Variants in ANKRD36B observed in about 807,000 individuals in gnomAD.
ANKRD36B encodes ankyrin repeat domain-containing protein 36B.
A neutral mutation model predicts 135.7 loss-of-function variants in ANKRD36B; 37 were observed. The ratio of observed to expected loss-of-function variants is 0.27; its 90% CI spans 0.21 to 0.36. The LOEUF (loss-of-function observed/expected upper bound fraction) is 0.36, where lower values mean the gene tolerates loss of function less well. Ranked by LOEUF, ANKRD36B falls within the 10% of genes least tolerant of loss-of-function variation. The pLI, the probability that ANKRD36B is intolerant of heterozygous loss-of-function variation, is 1.00. For missense variants in ANKRD36B, 549 were observed against 1,037.1 expected, an observed-to-expected ratio of 0.53 and a Z score of 6.46; for synonymous variants, 179 against 348.1, an observed-to-expected ratio of 0.51 and a Z score of 5.41.
chr2:97,566,320 C>G (rs942033754), intron 6 of ANKRD36B, among the ~76,000 whole-genome samples: 1 of 150,756 alleles, frequency 6.6e-6, no homozygotes, highest in Non-Finnish European at 1.5e-5. Context: ...GACTTCATCT[C>G]AAAAGAAAAA....
At chr2:97,525,510 G>GGTACCA (rs1275834851) in intron 35 of ANKRD36B, among the ~76,000 whole-genome samples, 1 of 96,218 alleles carries the variant, frequency 1.0e-5, no homozygotes, top group African/African-American at 3.1e-5. Flanking sequence ...TTCCATCTGA[G>GGTACCA]GTACCAGGTT....
chr2:97,554,679 A>G (rs916810356), intron 14 of ANKRD36B, among the ~76,000 whole-genome samples: 2 of 151,986 alleles, frequency 1.3e-5, no homozygotes, highest in Non-Finnish European at 2.9e-5. Flanking sequence ...TATTACGATC[A>G]GTTTTCCGTC....
rs189645646 is a variant in ANKRD36B at position 97,572,480 on chromosome 2, T to A, written c.763+3899A>T. On this transcript the variant is annotated intron_variant, in intron 6 of 43. Coordinates refer to ENST00000359901, the MANE Select transcript of ANKRD36B (RefSeq NM_001393939.1). ...ATTTAAAAAAATTTAAAAGACACCTTAAGTGTCTTAACTTAATTTGAAAAT... is the reference window on the plus strand; with the variant it reads ...ATTTAAAAAAATTTAAAAGACACCTAAAGTGTCTTAACTTAATTTGAAAAT... Among the ~76,000 whole-genome samples the A allele has an allele frequency of 5.9e-3, 652 of 111,196 alleles. 48 individuals are homozygous for A. Among genetic ancestry groups the A allele is most frequent in the African/African-American group, 0.018 (624 of 34,812 alleles). The allele number at this position is 111,196 out of a possible 152,430, so 72.9% of individuals were successfully genotyped here. A position where few individuals can be genotyped will look rare whatever the true frequency, so the allele number is the denominator to read the frequency against.
chr2:97,579,235 G>A (rs1340703086), intron 4 of ANKRD36B, among the ~76,000 whole-genome samples, 192 bp from the exon 5 acceptor site: 2 of 148,312 alleles, frequency 1.3e-5, no homozygotes, highest in Non-Finnish European at 3.0e-5. Flanking sequence ...GGAACAAAAA[G>A]GAAGCCTCTT....
chr2:97,560,211 T>C (rs983637455), intron 8 of ANKRD36B, among the ~76,000 whole-genome samples: 4 of 151,892 alleles, frequency 2.6e-5, no homozygotes, highest in African/African-American at 9.7e-5. Context: ...CCCTCTTCCT[T>C]GAGGAAAATA....
At chr2:97,586,768 A>C (rs2083030501) in intron 1 of ANKRD36B, among the ~76,000 whole-genome samples, 1 of 152,236 alleles carries the variant, frequency 6.6e-6, no homozygotes, top group Non-Finnish European at 1.5e-5. Flanking sequence ...CTATAATAAA[A>C]ACTTATGTAT....
chr2:97,587,253 CT>C (rs2104390468), intron 1 of ANKRD36B, among the ~76,000 whole-genome samples: 1 of 152,188 alleles, frequency 6.6e-6, no homozygotes, highest in East Asian at 1.9e-4. Context: ...TATATTTCTT[CT>C]TTTCCCAAGG....
At chr2:97,552,294 T>C (rs1299725501) in intron 16 of ANKRD36B, among the ~76,000 whole-genome samples, 1 of 150,994 alleles carries the variant, frequency 6.6e-6, no homozygotes, top group Non-Finnish European at 1.5e-5. Flanking sequence ...ATTTTAGGAG[T>C]TAGTTAGAAT....
intron 3 of ANKRD36B, 22 bp from the exon 4 acceptor site, chr2:97,580,590 T>A (rs1166215322): frequency 5.9e-6 from 9 of 1,531,326 alleles, no homozygotes; most frequent in Non-Finnish European, 7.9e-6. Flanking sequence ...CAGCAACAAT[T>A]TATAATCACA....
intron 18 of ANKRD36B, among the ~76,000 whole-genome samples, chr2:97,549,876 A>C (rs1267383595): frequency 3.9e-5 from 6 of 151,990 alleles, no homozygotes; most frequent in Admixed American, 3.9e-4. Context: ...CCGTGTCAAT[A>C]TCAATGTGCA....
intron 19 of ANKRD36B, 47 bp downstream of exon 19, chr2:97,549,539 T>G: frequency 6.2e-7 from 1 of 1,607,970 alleles, no homozygotes; most frequent in Non-Finnish European, 8.5e-7. Context: ...GTATGTTTCA[T>G]AGACCATACA....
At position 97,528,646 on chromosome 2, in the gene ANKRD36B, T is replaced by G. The variant is rs1200116779; in HGVS notation, c.2265+3665A>C. Among the ~76,000 whole-genome samples the G allele has an allele frequency of 2.1e-5, 2 of 95,252 alleles. 1 individual carries two copies. Among genetic ancestry groups the G allele is most frequent in the Middle Eastern group, 9.7e-3 (2 of 206 alleles). The allele number at this position is 95,252 out of a possible 152,430, so 62.5% of individuals were successfully genotyped here. A position where few individuals can be genotyped will look rare whatever the true frequency, so the allele number is the denominator to read the frequency against. On this transcript the variant is annotated intron_variant, in intron 35 of 43. Transcript: ENST00000359901. ...TTTTTGAAAGGATCAACAAAATTGATAGACCGCTAGCAAGACTAATAAAGA... is the reference window on the plus strand; with the variant it reads ...TTTTTGAAAGGATCAACAAAATTGAGAGACCGCTAGCAAGACTAATAAAGA...
intron 20 of ANKRD36B, among the ~76,000 whole-genome samples, chr2:97,548,754 G>A (rs1209586009): frequency 6.6e-6 from 1 of 151,920 alleles, no homozygotes; most frequent in Non-Finnish European, 1.5e-5. Context: ...TAACAAAGAG[G>A]AGTAATGACT....
At position 97,549,574 on chromosome 2, in the gene ANKRD36B, G is replaced by C. The variant is rs566173320; in HGVS notation, c.1404+12C>G. 4.9e-5 allele frequency: 79 copies of C among 1,608,878 alleles called. No individual in the cohort carries two copies. Among genetic ancestry groups the C allele is most frequent in the Middle Eastern group, 4.0e-4 (2 of 5,056 alleles). On this transcript the variant is annotated intron_variant, in intron 19 of 43. Transcript: ENST00000359901. The stretch of plus-strand genomic sequence containing the variant: ...ATTAACTAGTTCACAATATAAATGA[G>C]AGTTTCATTACCTTCAAGGCTGGTG...
At chr2:97,550,794 T>C (rs1576946223) in intron 18 of ANKRD36B, among the ~76,000 whole-genome samples, 2 of 151,970 alleles carry the variant, frequency 1.3e-5, no homozygotes, top group East Asian at 3.9e-4. Flanking sequence ...CAAAATTATA[T>C]AAATGACTTC....
chr2:97,587,237 A>G (rs535003531), intron 1 of ANKRD36B, among the ~76,000 whole-genome samples: 1 of 152,170 alleles, frequency 6.6e-6, no homozygotes, highest in African/African-American at 2.4e-5. Context: ...TTTTCTTTGC[A>G]AGATTTATAT....
chr2:97,555,186 T>C (rs1312805897), intron 13 of ANKRD36B, 40 bp downstream of exon 13: 5 of 1,611,204 alleles, frequency 3.1e-6, no homozygotes, highest in African/African-American at 1.3e-5. Flanking sequence ...TCATGGACTA[T>C]ACAGTTACTA....
rs1445404217 is a variant in ANKRD36B at position 97,589,844 on chromosome 2, C to T, written c.-159G>A. ...CGGACCTCCGCGCAGACTCTCAGCG[C>T]CTCCCGCCTCTCCGCAGAAACGCCC... On this transcript the variant is annotated 5_prime_UTR_variant, in exon 1 of 44. Coordinates refer to ENST00000359901, the MANE Select transcript of ANKRD36B (RefSeq NM_001393939.1). 1.4e-5 allele frequency: 14 copies of T among 1,036,106 alleles called. No homozygotes were observed. The Middle Eastern group carries it at 1.2e-3, about 87-fold the overall frequency. The allele number at this position is 1,036,106 out of a possible 1,614,324, so 64.2% of individuals were successfully genotyped here. A position where few individuals can be genotyped will look rare whatever the true frequency, so the allele number is the denominator to read the frequency against.
chr2:97,572,820 A>ACAGAGACTT (rs900494380), intron 6 of ANKRD36B, among the ~76,000 whole-genome samples: 18 of 152,092 alleles, frequency 1.2e-4, no homozygotes, highest in South Asian at 4.2e-4. Flanking sequence ...GTCCCAGAAC[A>ACAGAGACTT]CAGAGACTTG....
Sources: gnomAD v4.1 joint callset for allele counts (sites outside exome capture counted in the v4.1 genomes callset) on GRCh38, gnomAD v4.1.1 for gene constraint, MANE v1.5 for transcripts, NCBI Gene and HGNC (gene_info 2026-07-23, HGNC 2026-07-21) for gene names.